Variants in ACAP2 observed in about 807,000 individuals in gnomAD.
The protein encoded by ACAP2 is ArfGAP with coiled-coil, ankyrin repeat and PH domains 2, also known as arf-GAP with coiled-coil, ANK repeat and PH domain-containing protein 2.
ACAP2 carries 39 observed loss-of-function variants against 115.8 expected under a neutral mutation model. The ratio of observed to expected loss-of-function variants is 0.34; its 90% CI spans 0.26 to 0.44. The LOEUF is 0.44. Among genes scored for constraint, ACAP2 ranks in the 20% least tolerant of loss-of-function variants. ACAP2 has a pLI of 1.00. For missense variants in ACAP2, 662 were observed against 927.6 expected, an observed-to-expected ratio of 0.71 and a Z score of 3.72; for synonymous variants, 289 against 315.8, an observed-to-expected ratio of 0.92 and a Z score of 0.90.
At position 195,381,039 on chromosome 3, in the gene ACAP2, G is replaced by A; in HGVS notation, c.255C>T (p.Asp85=). ...GAAAATTTATCATTTCTTGAAGACT[G>A]TCAGAAAACTTGGTCAAACTTGTCT... ...VVETSLTKFS[D]SLQEMINFHT... is the part of the protein sequence containing the mutation. Residue 85 remains aspartate (D), a synonymous_variant, in exon 4 of 23, where the codon GAC becomes GAT. Coordinates refer to ENST00000326793, the MANE Select transcript of ACAP2 (RefSeq NM_012287.6). The A allele has an allele frequency of 6.2e-7, 1 of 1,601,662 alleles. No homozygotes were observed. The highest frequency in any genetic ancestry group is 1.8e-5 in the Admixed American group (1 of 55,624).
At chr3:195,315,696 C>G (rs1729042155) in intron 10 of ACAP2, among the ~76,000 whole-genome samples, 1 of 152,158 alleles carries the variant, frequency 6.6e-6, no homozygotes, top group South Asian at 2.1e-4. Flanking sequence ...TGATTCTAGT[C>G]AATAACTGCC....
At chr3:195,398,288 C>T (rs997404177) in intron 1 of ACAP2, among the ~76,000 whole-genome samples, 11 of 152,180 alleles carry the variant, frequency 7.2e-5, no homozygotes, top group African/African-American at 2.7e-4. Context: ...TTTATATTTA[C>T]ACTTAATCTT....
At chr3:195,289,087 T>C (rs1727061565) in intron 21 of ACAP2, 34 bp downstream of exon 21, 1 of 1,542,720 alleles carries the variant, frequency 6.5e-7, no homozygotes, top group African/African-American at 1.4e-5. Context: ...TAATTCACTG[T>C]ATGGAAATAG....
chr3:195,320,595 A>G, intron 10 of ACAP2, 106 bp downstream of exon 10: 1 of 695,502 alleles, frequency 1.4e-6, no homozygotes, highest in South Asian at 2.8e-5. Flanking sequence ...TTTCTATGGA[A>G]TTTACAGAAG....
intron 1 of ACAP2, among the ~76,000 whole-genome samples, chr3:195,429,831 G>A (rs1714972728): frequency 6.6e-6 from 1 of 152,108 alleles, no homozygotes; most frequent in South Asian, 2.1e-4. Context: ...TATAGTTTTA[G>A]GTCTTCCATT....
intron 11 of ACAP2, among the ~76,000 whole-genome samples, chr3:195,308,247 A>C (rs1006291575): frequency 6.6e-6 from 1 of 152,120 alleles, no homozygotes; most frequent in African/African-American, 2.4e-5. Context: ...CATTATTTAA[A>C]AGGCACCCTC....
At chr3:195,385,357 T>C (rs1367654679) in intron 2 of ACAP2, among the ~76,000 whole-genome samples, 1 of 151,458 alleles carries the variant, frequency 6.6e-6, no homozygotes, top group South Asian at 2.1e-4. Context: ...GTTGTTTGCT[T>C]TTGTTTTGTT....
intron 21 of ACAP2, among the ~76,000 whole-genome samples, chr3:195,287,009 G>A (rs537064584): frequency 6.6e-6 from 1 of 152,220 alleles, no homozygotes; most frequent in Non-Finnish European, 1.5e-5. Flanking sequence ...TGTGGGGAAA[G>A]GATCTGAGAA....
In ACAP2 at chr3:195,289,252, T is replaced by C. The variant is rs1727073511; in HGVS notation, c.2064-21A>G. The C allele has an allele frequency of 1.9e-6, 3 of 1,559,848 alleles. No individual in the cohort carries two copies. The East Asian group carries it at 6.7e-5, about 35-fold the overall frequency. On this transcript the variant is annotated intron_variant, in intron 20 of 22. Transcript: ENST00000326793. ...CCTGCCTGTTTAAGAACACAGCATT[T>C]TTGAGATATTGTCGATAAGAAAAAA...
chr3:195,367,218 A>G (rs1157582963), intron 4 of ACAP2, among the ~76,000 whole-genome samples: 1 of 152,328 alleles, frequency 6.6e-6, no homozygotes, highest in East Asian at 1.9e-4. Flanking sequence ...CTCCTAATTC[A>G]GCAGATCTAG....
Position 195,285,782 on chromosome 3 carries a change from A to G in ACAP2, c.2236+14T>C, listed in dbSNP as rs936917970. On this transcript the variant is annotated intron_variant, in intron 22 of 22. Transcript: ENST00000326793. ...TATACTGCATTTCAGTATGGTTATT[A>G]GTAGAATATTGACCTGGCTGTCCAT... 6.3e-7 allele frequency: 1 copy of G among 1,599,142 alleles called. No individual in the cohort carries two copies. The highest frequency in any genetic ancestry group is 2.2e-5 in the East Asian group (1 of 44,772).
At chr3:195,389,293 A>G (rs1274894742) in intron 2 of ACAP2, among the ~76,000 whole-genome samples, 1 of 152,164 alleles carries the variant, frequency 6.6e-6, no homozygotes, top group Non-Finnish European at 1.5e-5. Flanking sequence ...CCCCAAGTGA[A>G]TAATACAAAG....
At chr3:195,374,940 C>T (rs1371397260) in intron 4 of ACAP2, among the ~76,000 whole-genome samples, 1 of 151,952 alleles carries the variant, frequency 6.6e-6, no homozygotes, top group African/African-American at 2.4e-5. Flanking sequence ...TCGTGTAATC[C>T]CAGCACTTTG....
chr3:195,338,194 G>A (rs986259774), intron 6 of ACAP2, among the ~76,000 whole-genome samples: 21 of 152,138 alleles, frequency 1.4e-4, no homozygotes, highest in African/African-American at 4.8e-4. Context: ...CTCCCTAACC[G>A]AAGTGTAAAT....
chr3:195,280,366 G>C (rs1016479175), intron 22 of ACAP2, among the ~76,000 whole-genome samples: 8 of 152,096 alleles, frequency 5.3e-5, no homozygotes, highest in Non-Finnish European at 8.8e-5. Context: ...CAGCTACTCG[G>C]GAGGCTGAGG....
intron 1 of ACAP2, among the ~76,000 whole-genome samples, chr3:195,427,427 G>A (rs981116725): frequency 2.6e-5 from 4 of 151,934 alleles, no homozygotes; most frequent in African/African-American, 7.3e-5. Flanking sequence ...ATACCTTCTC[G>A]GAGGTGCACT....
chr3:195,349,749 C>T, intron 4 of ACAP2: 1 of 242,184 alleles, frequency 4.1e-6, no homozygotes, highest in Non-Finnish European at 8.0e-6. Context: ...TTCAGAAGCA[C>T]ATCCATGGAG....
intron 4 of ACAP2, among the ~76,000 whole-genome samples, chr3:195,373,151 G>A (rs976507746): frequency 2.0e-5 from 3 of 151,972 alleles, no homozygotes; most frequent in Admixed American, 1.3e-4. Flanking sequence ...TTTATTTGGA[G>A]CCAGGTGCAG....
intron 2 of ACAP2, among the ~76,000 whole-genome samples, chr3:195,391,224 C>CT (rs200717304): frequency 1.1e-5 from 1 of 88,556 alleles, no homozygotes; most frequent in South Asian, 4.1e-4. Context: ...AAAAGCTTCT[C>CT]TTTCTTTTTT....
Sources: gnomAD v4.1 joint callset for allele counts (sites outside exome capture counted in the v4.1 genomes callset) on GRCh38, gnomAD v4.1.1 for gene constraint, MANE v1.5 for transcripts, NCBI Gene and HGNC (gene_info 2026-07-23, HGNC 2026-07-21) for gene names.